The following RIC1 variants were observed in gnomAD, a reference collection of about 807,000 sequenced individuals.
RIC1 encodes the protein guanine nucleotide exchange factor subunit RIC1.
In RIC1, 88 loss-of-function variants were observed where a neutral mutation model predicts 169.0. The ratio of observed to expected loss-of-function variants is 0.52; its 90% confidence interval spans 0.44 to 0.62. The LOEUF is 0.62. Ranked by LOEUF, RIC1 falls within the 20% of genes least tolerant of loss-of-function variation. The probability of loss-of-function intolerance (pLI) is 0.00; values close to 1 mark genes in which losing one functional copy is unlikely to be tolerated. For synonymous variants in RIC1, 790 were observed against 601.5 expected (o/e 1.31, Z -4.59); for missense variants, 1,877 against 1,725.5 (o/e 1.09, Z -1.56).
intron 3 of RIC1, among the ~76,000 whole-genome samples, chr9:5,704,501 C>G (rs926778887): frequency 5.9e-5 from 9 of 152,146 alleles, no homozygotes; most frequent in African/African-American, 2.2e-4. Context: ...CATGAGCCAC[C>G]ATGCCCTGCC....
chr9:5,667,839 T>G (rs1002260111), intron 2 of RIC1, among the ~76,000 whole-genome samples: 1 of 152,156 alleles, frequency 6.6e-6, no homozygotes. Context: ...TGTCTACTGT[T>G]CCAACCTCTG....
At chr9:5,759,723 C>T (rs1826216411) in intron 17 of RIC1, among the ~76,000 whole-genome samples, 1 of 151,774 alleles carries the variant, frequency 6.6e-6, no homozygotes, top group South Asian at 2.1e-4. Flanking sequence ...GCATATTAAA[C>T]ATGTAGAAGT....
At chr9:5,679,550 C>G (rs918930901) in intron 2 of RIC1, among the ~76,000 whole-genome samples, 1 of 151,928 alleles carries the variant, frequency 6.6e-6, no homozygotes, top group Non-Finnish European at 1.5e-5. Flanking sequence ...TGAAGAGGTC[C>G]TTCACATCCC....
At chr9:5,673,535 GATATATAT>G (rs59648906) in intron 2 of RIC1, among the ~76,000 whole-genome samples, 31 of 119,298 alleles carry the variant, frequency 2.6e-4, no homozygotes, top group South Asian at 7.9e-4. Flanking sequence ...AACATAAGGA[GATATATAT>G]ATATATATAT....
At chr9:5,738,984 A>G (rs1390843746) in intron 8 of RIC1, among the ~76,000 whole-genome samples, 1 of 152,034 alleles carries the variant, frequency 6.6e-6, no homozygotes, top group Non-Finnish European at 1.5e-5. Flanking sequence ...CCCATTTTGT[A>G]TTTAAATTTT....
Position 5,631,226 on chromosome 9 carries a change from C to T in RIC1, c.144+1773C>T, listed in dbSNP as rs572887220. On this transcript the variant is annotated intron_variant, in intron 1 of 25. Transcript: ENST00000414202. Reference sequence around the variant, plus strand: ...AGGCAGTTCTGGAATTTAAACTATTCATACTCTTCTTTCAAATTCCCACCT... The same window carrying T: ...AGGCAGTTCTGGAATTTAAACTATTTATACTCTTCTTTCAAATTCCCACCT... Among the ~76,000 whole-genome samples, 727 of 152,296 alleles carry T rather than the reference C, an allele frequency of 4.8e-3. 1 individual carries two copies. Among genetic ancestry groups the T allele is most frequent in the Non-Finnish European group, 7.8e-3 (528 of 68,020 alleles).
intron 2 of RIC1, among the ~76,000 whole-genome samples, chr9:5,659,283 G>C (rs922653491): frequency 7.2e-5 from 11 of 152,062 alleles, no homozygotes; most frequent in African/African-American, 2.7e-4. Context: ...CAGTACCACA[G>C]TTTTTAAATT....
intron 4 of RIC1, chr9:5,719,263 C>T (rs1823447735): frequency 6.6e-6 from 1 of 152,214 alleles, no homozygotes; most frequent in Non-Finnish European, 1.5e-5. Flanking sequence ...CTTCTTGCCT[C>T]CTTTGCACAA....
chr9:5,735,685 G>A (rs916239043), intron 7 of RIC1, among the ~76,000 whole-genome samples: 5 of 152,220 alleles, frequency 3.3e-5, no homozygotes, highest in Admixed American at 3.3e-4. Flanking sequence ...CTAGGTGATA[G>A]CTGGTGTCCT....
chr9:5,731,963 C>A (rs1389560704), intron 6 of RIC1, among the ~76,000 whole-genome samples: 3 of 152,122 alleles, frequency 2.0e-5, no homozygotes, highest in Non-Finnish European at 4.4e-5. Flanking sequence ...ATAAACCAAA[C>A]AGAATGTACT....
intron 2 of RIC1, among the ~76,000 whole-genome samples, chr9:5,663,605 C>G (rs75111229): frequency 2.0e-5 from 3 of 152,106 alleles, no homozygotes; most frequent in South Asian, 4.1e-4. Context: ...CATTTAAAGT[C>G]TGTTTTGTGA....
intron 3 of RIC1, among the ~76,000 whole-genome samples, chr9:5,701,348 C>T (rs1207836291): frequency 6.6e-6 from 1 of 152,114 alleles, no homozygotes; most frequent in Non-Finnish European, 1.5e-5. Flanking sequence ...AGGTGGCTCA[C>T]GCCTGCAATC....
chr9:5,771,195 T>A (rs1231290006), intron 23 of RIC1, among the ~76,000 whole-genome samples: 10 of 152,234 alleles, frequency 6.6e-5, no homozygotes, highest in Non-Finnish European at 1.5e-4. Flanking sequence ...ACTCTGTATA[T>A]GTTACTTAAT....
chr9:5,679,997 T>A (rs1438227152), intron 2 of RIC1, among the ~76,000 whole-genome samples: 1 of 152,232 alleles, frequency 6.6e-6, no homozygotes, highest in Non-Finnish European at 1.5e-5. Flanking sequence ...TAGCTCTTAC[T>A]ATTTTGAGAT....
chr9:5,704,430 T>C (rs1184256623), intron 3 of RIC1, among the ~76,000 whole-genome samples: 2 of 152,200 alleles, frequency 1.3e-5, no homozygotes, highest in East Asian at 3.9e-4. Flanking sequence ...CAAGCTAGTC[T>C]CAAACTCCTG....
intron 2 of RIC1, among the ~76,000 whole-genome samples, chr9:5,682,200 T>G (rs1325482718): frequency 1.3e-5 from 2 of 152,174 alleles, no homozygotes; most frequent in African/African-American, 2.4e-5. Flanking sequence ...ATCCTGTCAT[T>G]ATGATGTTAG....
chr9:5,657,231 A>G (rs999999172), intron 2 of RIC1, among the ~76,000 whole-genome samples: 3 of 152,196 alleles, frequency 2.0e-5, no homozygotes, highest in African/African-American at 7.2e-5. Flanking sequence ...GTTATACTAA[A>G]ATTTCCATAT....
At chr9:5,679,788 A>G (rs1820701844) in intron 2 of RIC1, among the ~76,000 whole-genome samples, 2 of 152,358 alleles carry the variant, frequency 1.3e-5, no homozygotes, top group African/African-American at 4.8e-5. Flanking sequence ...ATCTGCAGAC[A>G]GGGACAATTT....
At chr9:5,752,809 G>T (rs1402238769) in intron 12 of RIC1, among the ~76,000 whole-genome samples, 2 of 152,110 alleles carry the variant, frequency 1.3e-5, no homozygotes, top group Non-Finnish European at 2.9e-5. Flanking sequence ...AACTTTTTCT[G>T]AGGCTGTAAT....
Sources: allele counts gnomAD v4.1 joint callset (sites outside exome capture counted in the v4.1 genomes callset), GRCh38; gene constraint gnomAD v4.1.1; transcripts MANE v1.5; gene names NCBI Gene and HGNC (gene_info 2026-07-23, HGNC 2026-07-21).